TCF12: variants seen among roughly 807,000 people sequenced by gnomAD.
TCF12 encodes DNA-binding protein HTF4.
TCF12 carries 45 observed loss-of-function variants against 86.0 expected under a neutral mutation model. The ratio of observed to expected loss-of-function variants is 0.52; its 90% CI spans 0.41 to 0.67. The LOEUF is 0.67. TCF12 is among the 30% of genes least tolerant of loss of function. TCF12 has a pLI of 0.00. For missense variants in TCF12, 881 were observed against 859.9 expected (o/e 1.02, Z -0.31); for synonymous variants, 330 against 299.6 (o/e 1.10, Z -1.05).
In TCF12 at chr15:57,175,201, C is replaced by T. The variant is rs951073521; in HGVS notation, c.390+8735C>T. ...CTCTACAAAAAAATTTAAAAATTAACTGCAGGTGGTGGTGTGCCCCTGTAG... is the reference window on the plus strand; with the variant it reads ...CTCTACAAAAAAATTTAAAAATTAATTGCAGGTGGTGGTGTGCCCCTGTAG... On this transcript the variant is annotated intron_variant, in intron 6 of 20. Transcript: ENST00000333725. Among the ~76,000 whole-genome samples the T allele has an allele frequency of 4.0e-4, 61 of 152,050 alleles. 1 individual carries two copies. Among genetic ancestry groups the T allele is most frequent in the Admixed American group, 3.6e-3 (55 of 15,270 alleles).
At position 57,038,169 on chromosome 15, in the gene TCF12, G is replaced by A. The variant is rs563896582; in HGVS notation, c.149-25581G>A. Among the ~76,000 whole-genome samples, 539 of 152,232 alleles carry A rather than the reference G, an allele frequency of 3.5e-3. 5 individuals carry two copies. Among genetic ancestry groups the A allele is most frequent in the African/African-American group, 0.012 (513 of 41,538 alleles). On this transcript the variant is annotated intron_variant, in intron 3 of 20. Coordinates refer to ENST00000333725, the MANE Select transcript of TCF12 (RefSeq NM_207037.2). ...AATAGAAAAGTGTGGGGCAGGCGTG[G>A]CGGCTCATGCCTAGCACATTGGGAG...
At chr15:56,979,554 T>G (rs1238415516) in intron 3 of TCF12, among the ~76,000 whole-genome samples, 1 of 152,184 alleles carries the variant, frequency 6.6e-6, no homozygotes, top group Non-Finnish European at 1.5e-5. Flanking sequence ...TGAAAGTGTT[T>G]TTAGGAAGCA....
At chr15:57,275,520 A>T (rs1360708953) in intron 19 of TCF12, among the ~76,000 whole-genome samples, 23 of 151,984 alleles carry the variant, frequency 1.5e-4, no homozygotes, top group Admixed American at 1.4e-3. Context: ...TACAGGCCAC[A>T]ATACCTGTGC....
chr15:57,033,634 A>G (rs1455781660), intron 3 of TCF12, among the ~76,000 whole-genome samples: 1 of 152,184 alleles, frequency 6.6e-6, no homozygotes, highest in East Asian at 1.9e-4. Context: ...CTTGTGAGGT[A>G]CTGCAGGGAC....
At chr15:57,072,357 T>C (rs762069001) in intron 4 of TCF12, among the ~76,000 whole-genome samples, 3 of 152,184 alleles carry the variant, frequency 2.0e-5, no homozygotes, top group Non-Finnish European at 4.4e-5. Flanking sequence ...TTAAAACAGA[T>C]TGTTTGATTT....
At chr15:56,946,107 C>T (rs1177549094) in intron 3 of TCF12, among the ~76,000 whole-genome samples, 5 of 152,124 alleles carry the variant, frequency 3.3e-5, no homozygotes, top group Admixed American at 3.3e-4. Context: ...CAAGGTTTCT[C>T]TGTGTATGGG....
chr15:56,923,287 A>G (rs2059871380), intron 3 of TCF12, among the ~76,000 whole-genome samples: 1 of 152,066 alleles, frequency 6.6e-6, no homozygotes, highest in Non-Finnish European at 1.5e-5. Context: ...ATACTATAGC[A>G]TGTGATGTTA....
At chr15:57,248,587 G>A (rs2059968401) in intron 13 of TCF12, among the ~76,000 whole-genome samples, 1 of 152,162 alleles carries the variant, frequency 6.6e-6, no homozygotes, top group Non-Finnish European at 1.5e-5. Context: ...GAGAGAAAGA[G>A]AAATTCTCAG....
chr15:56,942,288 A>G (rs1469874578), intron 3 of TCF12, among the ~76,000 whole-genome samples: 1 of 152,258 alleles, frequency 6.6e-6, no homozygotes, highest in African/African-American at 2.4e-5. Flanking sequence ...TTCAAAAAAT[A>G]TAAATGCCAC....
intron 16 of TCF12, among the ~76,000 whole-genome samples, chr15:57,260,266 C>G (rs868738653): frequency 2.0e-5 from 3 of 150,614 alleles, no homozygotes; most frequent in South Asian, 4.2e-4. Context: ...AGGTAATGAT[C>G]AGACACTTTT....
At chr15:56,937,135 C>G (rs1309035419) in intron 3 of TCF12, among the ~76,000 whole-genome samples, 1 of 152,168 alleles carries the variant, frequency 6.6e-6, no homozygotes, top group Non-Finnish European at 1.5e-5. Context: ...TTTGTGTCAT[C>G]TGTGATTTAT....
chr15:56,981,103 G>T (rs1006085670), intron 3 of TCF12, among the ~76,000 whole-genome samples: 3 of 152,178 alleles, frequency 2.0e-5, no homozygotes, highest in Non-Finnish European at 4.4e-5. Flanking sequence ...TCATGTGGGG[G>T]ACACTACATT....
chr15:57,128,182 C>T (rs754498164), intron 5 of TCF12, among the ~76,000 whole-genome samples: 1 of 152,154 alleles, frequency 6.6e-6, no homozygotes, highest in Non-Finnish European at 1.5e-5. Context: ...TTCTTTTATA[C>T]TAATGATAGG....
intron 3 of TCF12, among the ~76,000 whole-genome samples, chr15:56,983,988 T>G (rs1287793739): frequency 6.8e-5 from 1 of 14,746 alleles, no homozygotes; most frequent in African/African-American, 1.4e-4. Flanking sequence ...GGCAACTGAG[T>G]GAGACCCTGT....
intron 8 of TCF12, among the ~76,000 whole-genome samples, chr15:57,215,930 T>C (rs1023227989): frequency 1.1e-4 from 17 of 152,118 alleles, no homozygotes; most frequent in African/African-American, 3.4e-4. Flanking sequence ...AAAAGTAAGA[T>C]GGAAGAGGGA....
At chr15:57,101,765 C>T (rs1242766627) in intron 5 of TCF12, among the ~76,000 whole-genome samples, 2 of 151,982 alleles carry the variant, frequency 1.3e-5, no homozygotes, top group Non-Finnish European at 2.9e-5. Flanking sequence ...TTGAGTATAC[C>T]TCTGGAGGAT....
chr15:57,131,619 G>A (rs1344509285), intron 5 of TCF12, among the ~76,000 whole-genome samples: 2 of 152,090 alleles, frequency 1.3e-5, no homozygotes, highest in Non-Finnish European at 2.9e-5. Context: ...ATCTCATTAT[G>A]CTTTTCCTGC....
chr15:57,077,554 A>AT, intron 4 of TCF12, among the ~76,000 whole-genome samples: 1 of 151,384 alleles, frequency 6.6e-6, no homozygotes, highest in East Asian at 1.9e-4. Context: ...TTTTAATTGC[A>AT]TTTTTTGGAT....
chr15:56,967,430 ATGGT>A (rs2062059412), intron 3 of TCF12, among the ~76,000 whole-genome samples: 1 of 152,140 alleles, frequency 6.6e-6, no homozygotes, highest in Admixed American at 6.5e-5. Context: ...TACTGATTTG[ATGGT>A]TCTGTGTAGT....
Sources: allele counts gnomAD v4.1 joint callset (sites outside exome capture counted in the v4.1 genomes callset), GRCh38; gene constraint gnomAD v4.1.1; transcripts MANE v1.5; gene names NCBI Gene and HGNC (gene_info 2026-07-23, HGNC 2026-07-21).